The following NBAS variants were observed in gnomAD, a reference collection of about 807,000 sequenced individuals.
NBAS encodes NAG/BC035112 fusion.
Under a neutral mutation model 302.5 loss-of-function variants are expected in NBAS, and 219 were observed. That is an observed-to-expected ratio of 0.72 (90% CI 0.65 to 0.81). NBAS has a LOEUF of 0.81. Ranked by LOEUF, NBAS falls within the 30% of genes least tolerant of loss-of-function variation. The pLI, the probability that NBAS is intolerant of heterozygous loss-of-function variation, is 0.00. For missense variants in NBAS, 2,932 were observed against 2,841.6 expected, an observed-to-expected ratio of 1.03 and a Z score of -0.72; for synonymous variants, 1,118 against 1,021.6, an observed-to-expected ratio of 1.09 and a Z score of -1.80.
the NBAS span, among the ~76,000 whole-genome samples, chr2:14,951,468 C>T: frequency 6.6e-6 from 1 of 152,172 alleles, no homozygotes. Context: ...TGGATTATAC[C>T]TGGAGAGCCC....
intron 29 of NBAS, among the ~76,000 whole-genome samples, chr2:15,382,802 T>A (rs113219444): frequency 1.2e-4 from 19 of 152,290 alleles, no homozygotes; most frequent in African/African-American, 4.6e-4. Flanking sequence ...AGATTTGTTT[T>A]AGAAAAATAC....
intron 2 of NBAS, 121 bp from the exon 3 acceptor site, chr2:15,556,940 GAACTC>G: frequency 1.3e-6 from 1 of 770,944 alleles, no homozygotes; most frequent in Non-Finnish European, 2.2e-6. Flanking sequence ...AAAAAATAAA[GAACTC>G]AAGTCTTAAA....
At chr2:14,925,453 A>G in the NBAS span, among the ~76,000 whole-genome samples, 3 of 152,234 alleles carry the variant, frequency 2.0e-5, no homozygotes, top group East Asian at 5.8e-4. Flanking sequence ...TAATTAAATT[A>G]TCTAATTTAG....
chr2:15,265,429 G>C (rs1025932760), intron 44 of NBAS, among the ~76,000 whole-genome samples: 10 of 152,060 alleles, frequency 6.6e-5, no homozygotes, highest in African/African-American at 2.4e-4. Flanking sequence ...CTAGGGTATA[G>C]GAAAATTATA....
At chr2:15,303,613 G>A (rs1032933279) in intron 40 of NBAS, among the ~76,000 whole-genome samples, 1 of 152,102 alleles carries the variant, frequency 6.6e-6, no homozygotes, top group Admixed American at 6.5e-5. Context: ...AAGAGTGGTG[G>A]CCAGATACAA....
intron 44 of NBAS, among the ~76,000 whole-genome samples, chr2:15,267,930 A>G (rs1277070416): frequency 1.3e-5 from 2 of 152,208 alleles, no homozygotes; most frequent in Admixed American, 1.3e-4. Flanking sequence ...GTACTTTTAT[A>G]AAGTATTATT....
At chr2:15,009,280 A>T in the NBAS span, among the ~76,000 whole-genome samples, 5 of 152,160 alleles carry the variant, frequency 3.3e-5, no homozygotes, top group Admixed American at 3.3e-4. Context: ...TACAATGGCA[A>T]TGTCAAGGAC....
chr2:14,782,142 G>T, the NBAS span, among the ~76,000 whole-genome samples: 2 of 151,914 alleles, frequency 1.3e-5, no homozygotes, highest in Non-Finnish European at 2.9e-5. Flanking sequence ...CATGATCCTG[G>T]GCTAACAAGT....
chr2:14,958,523 A>T, the NBAS span, among the ~76,000 whole-genome samples: 4 of 152,016 alleles, frequency 2.6e-5, no homozygotes, highest in Non-Finnish European at 4.4e-5. Context: ...TGCGCTACTC[A>T]GTTACTGAGA....
the NBAS span, among the ~76,000 whole-genome samples, chr2:15,128,947 A>G: frequency 2.6e-5 from 4 of 152,200 alleles, no homozygotes; most frequent in African/African-American, 7.2e-5. Context: ...TTCAAAAGGA[A>G]CTGTGGAGAT....
chr2:14,827,269 T>A, the NBAS span, among the ~76,000 whole-genome samples: 1 of 152,230 alleles, frequency 6.6e-6, no homozygotes, highest in Non-Finnish European at 1.5e-5. Flanking sequence ...CAAAATATCA[T>A]CTATCATGTT....
intron 11 of NBAS, among the ~76,000 whole-genome samples, chr2:15,491,532 C>G (rs187681942): frequency 2.3e-4 from 35 of 152,176 alleles, no homozygotes; most frequent in Admixed American, 1.8e-3. Flanking sequence ...GTCAGGAGAT[C>G]GAGACCATCC....
At chr2:15,209,894 ATGC>A (rs1190333742) in intron 48 of NBAS, among the ~76,000 whole-genome samples, 6 of 152,210 alleles carry the variant, frequency 3.9e-5, no homozygotes, top group African/African-American at 1.4e-4. Flanking sequence ...TCTTCAATAA[ATGC>A]TGCTAGGAAA....
At chr2:15,359,001 T>C (rs1044368262) in intron 32 of NBAS, among the ~76,000 whole-genome samples, 6 of 152,120 alleles carry the variant, frequency 3.9e-5, no homozygotes, top group African/African-American at 1.4e-4. Flanking sequence ...TAAAGCACTG[T>C]CCTCCTAAAA....
At chr2:14,812,235 C>T in the NBAS span, among the ~76,000 whole-genome samples, 2 of 152,152 alleles carry the variant, frequency 1.3e-5, no homozygotes, top group Non-Finnish European at 2.9e-5. Context: ...CAAGAAGGGG[C>T]ATCACAGGGA....
intron 47 of NBAS, among the ~76,000 whole-genome samples, chr2:15,229,347 CAAA>C (rs61152926): frequency 0.043 from 3,296 of 76,322 alleles, 16 homozygotes; most frequent in East Asian, 0.15. Context: ...TCTCAAAAAA[CAAA>C]AAAAAAAAAA....
At chr2:15,063,424 T>G in the NBAS span, among the ~76,000 whole-genome samples, 1 of 152,142 alleles carries the variant, frequency 6.6e-6, no homozygotes, top group Non-Finnish European at 1.5e-5. Context: ...TTTAGGTATC[T>G]CCATCTAGCC....
intron 12 of NBAS, 39 bp downstream of exon 12, chr2:15,488,855 C>T: frequency 6.2e-7 from 1 of 1,611,472 alleles, no homozygotes; most frequent in Non-Finnish European, 8.5e-7. Flanking sequence ...TCAATACTCA[C>T]CCTTAAGAGA....
At chr2:15,548,735 G>A (rs1213658708) in intron 6 of NBAS, among the ~76,000 whole-genome samples, 1 of 151,724 alleles carries the variant, frequency 6.6e-6, no homozygotes. Flanking sequence ...GAAACATGAA[G>A]ATGTACAAAT....
Sources: gnomAD v4.1 joint callset for allele counts (sites outside exome capture counted in the v4.1 genomes callset) on GRCh38, gnomAD v4.1.1 for gene constraint, MANE v1.5 for transcripts, NCBI Gene and HGNC (gene_info 2026-07-23, HGNC 2026-07-21) for gene names.